Variants in BLTP3A observed in about 807,000 individuals in gnomAD.
BLTP3A encodes the protein ICBP90 binding protein 1.
the BLTP3A span, among the ~76,000 whole-genome samples, chr6:34,809,654 C>T: frequency 6.6e-6 from 1 of 152,090 alleles, no homozygotes; most frequent in Non-Finnish European, 1.5e-5. Flanking sequence ...CGACCTCTGC[C>T]TCCCGGGTTC....
At chr6:34,867,114 A>T in the BLTP3A span, 3 of 1,197,720 alleles carry the variant, frequency 2.5e-6, no homozygotes, top group South Asian at 1.8e-5. Flanking sequence ...TAGTTGTCTC[A>T]TGAATGTCAT....
the BLTP3A span, among the ~76,000 whole-genome samples, chr6:34,869,640 C>CTTTTTTTTTT: frequency 2.7e-4 from 22 of 81,514 alleles, 9 homozygotes; most frequent in African/African-American, 1.1e-3. Context: ...ACATACACCA[C>CTTTTTTTTTT]TTTTTTTTTT....
the BLTP3A span, chr6:34,871,232 TG>T: frequency 8.0e-7 from 1 of 1,250,172 alleles, no homozygotes; most frequent in East Asian, 2.3e-5. Flanking sequence ...CTGTAAAATA[TG>T]GTGAGGATCA....
the BLTP3A span, chr6:34,856,420 A>G: frequency 6.2e-7 from 1 of 1,611,722 alleles, no homozygotes; most frequent in East Asian, 2.2e-5. Flanking sequence ...GTGGGTTATG[A>G]GGAACTGGAA....
At chr6:34,834,390 AC>A in the BLTP3A span, 1 of 1,613,032 alleles carries the variant, frequency 6.2e-7, no homozygotes, top group Non-Finnish European at 8.5e-7. Flanking sequence ...CGCATCACTG[AC>A]CCCTGCCGAG....
chr6:34,797,102 G>A, the BLTP3A span, among the ~76,000 whole-genome samples: 37 of 152,138 alleles, frequency 2.4e-4, no homozygotes, highest in African/African-American at 7.7e-4. Flanking sequence ...TTATTATAGT[G>A]CCTGACATAT....
the BLTP3A span, chr6:34,871,597 C>T: frequency 6.2e-7 from 1 of 1,612,964 alleles, no homozygotes; most frequent in East Asian, 2.2e-5. Context: ...GATATCCCCC[C>T]CATCTATCCA....
the BLTP3A span, chr6:34,873,945 C>T: frequency 6.6e-6 from 1 of 152,238 alleles, no homozygotes; most frequent in African/African-American, 2.4e-5. Flanking sequence ...AATGTATTCA[C>T]CAAGGAACAG....
the BLTP3A span, chr6:34,856,230 G>A: frequency 1.0e-5 from 16 of 1,605,148 alleles, no homozygotes; most frequent in East Asian, 2.0e-4. Flanking sequence ...TCACTTCTTC[G>A]TTGCACAGGT....
At chr6:34,859,687 G>A in the BLTP3A span, 6 of 1,457,864 alleles carry the variant, frequency 4.1e-6, no homozygotes, top group Non-Finnish European at 4.6e-6. Context: ...TATAGTCCAG[G>A]AGAATGCATA....
At chr6:34,867,752 G>C in the BLTP3A span, 1 of 1,192,662 alleles carries the variant, frequency 8.4e-7, no homozygotes, top group African/African-American at 1.6e-5. Context: ...ATTAGGGGGA[G>C]GAAAAACTCC....
the BLTP3A span, chr6:34,856,241 G>T: frequency 6.2e-7 from 1 of 1,612,680 alleles, no homozygotes; most frequent in Non-Finnish European, 8.5e-7. Context: ...TTGCACAGGT[G>T]ATAGCTGCAA....
the BLTP3A span, among the ~76,000 whole-genome samples, chr6:34,818,586 A>G: frequency 6.6e-6 from 1 of 152,222 alleles, no homozygotes; most frequent in Admixed American, 6.5e-5. Flanking sequence ...TTTGCTGTAC[A>G]AAAGGTATGG....
At chr6:34,836,224 C>T in the BLTP3A span, 1 of 1,614,176 alleles carries the variant, frequency 6.2e-7, no homozygotes. Context: ...AGGGCAACAG[C>T]AACAGCAGCA....
At chr6:34,837,369 C>A in the BLTP3A span, among the ~76,000 whole-genome samples, 1 of 151,960 alleles carries the variant, frequency 6.6e-6, no homozygotes, top group African/African-American at 2.4e-5. Context: ...TGGCGAAACC[C>A]GTCTCTACAA....
the BLTP3A span, among the ~76,000 whole-genome samples, chr6:34,830,103 G>A: frequency 3.3e-5 from 5 of 151,712 alleles, no homozygotes; most frequent in South Asian, 2.1e-4. Context: ...GTGAGCTACC[G>A]CGCCTGGCCT....
chr6:34,869,632 A>C, the BLTP3A span, among the ~76,000 whole-genome samples: 2 of 139,840 alleles, frequency 1.4e-5, no homozygotes, highest in Non-Finnish European at 3.0e-5. Context: ...TATTGTATAC[A>C]TACACCACTT....
At chr6:34,854,924 A>G in the BLTP3A span, among the ~76,000 whole-genome samples, 1 of 152,234 alleles carries the variant, frequency 6.6e-6, no homozygotes, top group African/African-American at 2.4e-5. Flanking sequence ...AATACTTTCT[A>G]CTTTTACAGT....
At chr6:34,868,035 C>T in the BLTP3A span, among the ~76,000 whole-genome samples, 11 of 152,184 alleles carry the variant, frequency 7.2e-5, no homozygotes, top group East Asian at 5.8e-4. Context: ...TGGCTGGGCG[C>T]GGGGCTCATG....
Sources: gnomAD v4.1 joint callset for allele counts (sites outside exome capture counted in the v4.1 genomes callset) on GRCh38, gnomAD v4.1.1 for gene constraint, MANE v1.5 for transcripts, NCBI Gene and HGNC (gene_info 2026-07-23, HGNC 2026-07-21) for gene names.